The following RSF1 variants were observed in gnomAD, a reference collection of about 807,000 sequenced individuals.
RSF1 encodes HBV pX-associated protein 8.
RSF1 carries 13 observed loss-of-function variants against 145.2 expected under a neutral mutation model. The ratio of observed to expected loss-of-function variants is 0.09; its 90% CI spans 0.06 to 0.14. The LOEUF (loss-of-function observed/expected upper bound fraction) is 0.14, where lower values mean the gene tolerates loss of function less well. Ranked by LOEUF, RSF1 falls within the 10% of genes least tolerant of loss-of-function variation. The pLI is 1.00. For synonymous variants in RSF1, 577 were observed against 592.6 expected (o/e 0.97, Z 0.38); for missense variants, 1,517 against 1,718.2 (o/e 0.88, Z 2.07).
chr11:77,755,242 G>C (rs1182708822), intron 2 of RSF1, among the ~76,000 whole-genome samples: 1 of 152,190 alleles, frequency 6.6e-6, no homozygotes, highest in African/African-American at 2.4e-5. Flanking sequence ...AAGGCCAATG[G>C]TGGCATGCAT....
chr11:77,737,603 G>C (rs1174734146), intron 4 of RSF1, among the ~76,000 whole-genome samples: 1 of 135,522 alleles, frequency 7.4e-6, no homozygotes, highest in Non-Finnish European at 1.6e-5. Flanking sequence ...ATGGAAAGAA[G>C]TTTTATGTGT....
chr11:77,682,211 T>G (rs1959881041), intron 11 of RSF1, among the ~76,000 whole-genome samples: 1 of 152,176 alleles, frequency 6.6e-6, no homozygotes, highest in African/African-American at 2.4e-5. Context: ...CCCTTACTGA[T>G]TCTACCATAT....
chr11:77,704,144 A>C (rs1428302156), intron 5 of RSF1, among the ~76,000 whole-genome samples: 2 of 152,186 alleles, frequency 1.3e-5, no homozygotes, highest in East Asian at 3.9e-4. Context: ...AAATACAAAA[A>C]GTAGCCGGGG....
chr11:77,820,707 G>A lies in RSF1; in HGVS notation c.8C>T (p.Thr3Met), dbSNP rs556124547. MA[T>M]AAAAAAVMAP... Reference sequence around the variant, plus strand: ...CATCACCGCCGCCGCTGCCGCCGCCGTCGCCATTTTGAACTGGAGGATGGA... The same window carrying A: ...CATCACCGCCGCCGCTGCCGCCGCCATCGCCATTTTGAACTGGAGGATGGA... The change falls in exon 1 of 16, where the codon ACG (threonine) becomes ATG (methionine). Residue 3 changes from threonine to methionine, a missense_variant. Thr to Met is a moderately conservative substitution (Grantham distance 81). Around this residue, in one of 12 missense-constraint regions of RSF1, gnomAD observed 85 missense variants for 91.8 expected, o/e 0.93. Transcript: ENST00000308488. The A allele has an allele frequency of 1.9e-6, 3 of 1,549,036 alleles. No individual in the cohort carries two copies. The highest frequency in any genetic ancestry group is 2.4e-5 in the East Asian group (1 of 41,180).
intron 1 of RSF1, among the ~76,000 whole-genome samples, chr11:77,786,505 T>C (rs1948458251): frequency 6.6e-6 from 1 of 152,208 alleles, no homozygotes; most frequent in Non-Finnish European, 1.5e-5. Context: ...TTTCATATAG[T>C]TCAACATTAT....
chr11:77,849,824 C>A, the RSF1 span, among the ~76,000 whole-genome samples: 4 of 152,210 alleles, frequency 2.6e-5, no homozygotes, highest in African/African-American at 9.6e-5. Flanking sequence ...AAATCTTATA[C>A]ATTCCTCTAT....
chr11:77,748,068 C>T (rs1385283495), intron 2 of RSF1, among the ~76,000 whole-genome samples: 3 of 152,042 alleles, frequency 2.0e-5, no homozygotes, highest in Non-Finnish European at 4.4e-5. Context: ...AGCCAGCTCT[C>T]TCAGGTGGGT....
the RSF1 span, among the ~76,000 whole-genome samples, chr11:77,870,312 G>A: frequency 2.8e-5 from 4 of 144,056 alleles, no homozygotes; most frequent in East Asian, 4.0e-4. Flanking sequence ...GAGCTACCAC[G>A]TCTGGCCTAT....
chr11:77,733,523 C>A (rs917744662), intron 4 of RSF1, among the ~76,000 whole-genome samples: 1 of 151,626 alleles, frequency 6.6e-6, no homozygotes, highest in Non-Finnish European at 1.5e-5. Context: ...CATTAATAAC[C>A]AAACACTACC....
chr11:77,817,287 T>A (rs1204114030), intron 1 of RSF1, among the ~76,000 whole-genome samples: 1 of 152,220 alleles, frequency 6.6e-6, no homozygotes, highest in Non-Finnish European at 1.5e-5. Flanking sequence ...GAAATGTGTA[T>A]TACTGTTGGG....
chr11:77,707,826 T>A (rs1023362165), intron 5 of RSF1, among the ~76,000 whole-genome samples: 1 of 152,204 alleles, frequency 6.6e-6, no homozygotes, highest in Non-Finnish European at 1.5e-5. Flanking sequence ...GAAACTATCA[T>A]GTAGCATGCT....
At chr11:77,770,561 T>C (rs1590876916) in intron 1 of RSF1, among the ~76,000 whole-genome samples, 2 of 152,242 alleles carry the variant, frequency 1.3e-5, no homozygotes, top group Non-Finnish European at 2.9e-5. Flanking sequence ...ATAACTGTTA[T>C]ACAGGCAGAT....
In RSF1 at chr11:77,702,152, A is replaced by G. The variant is rs140508539; in HGVS notation, c.1077T>C (p.Ser359=). ...ERIEFGGNIK[S]SHEITEKSTE... ...TAGATTTCTCAGTAATTTCGTGAGA[A>G]GATTTAATATTGCCACCAAATTCGA... Residue 359 remains serine, a synonymous_variant, in exon 6 of 16, where the codon TCT becomes TCC. Coordinates refer to ENST00000308488, the MANE Select transcript of RSF1 (RefSeq NM_016578.4). 1.7e-4 allele frequency: 278 copies of G among 1,613,920 alleles called. No individual in the cohort carries two copies. In the African/African-American group the frequency reaches 3.5e-3, roughly 20 times the overall value.
rs17751930 is a variant in RSF1, at chr11:77,667,337, C to T, written c.3906G>A (p.Arg1302=). 46 of 1,613,886 alleles carry T rather than the reference C, an allele frequency of 2.9e-5. No individual in the cohort carries two copies. The highest frequency in any genetic ancestry group is 3.9e-5 in the Non-Finnish European group (46 of 1,179,940). Residue 1302 remains arginine (R), a synonymous_variant, in exon 16 of 16, where the codon CGG becomes CGA. Transcript: ENST00000308488. ...AACTCTCCTCCTCATCCGTCTCAAT[C>T]CGGTGTAGCCGTTTGCGGGATGGTT... ...EGKPSRKRLH[R]IETDEEESCD...
intron 1 of RSF1, among the ~76,000 whole-genome samples, chr11:77,795,862 T>C (rs1239499555): frequency 6.6e-6 from 1 of 152,158 alleles, no homozygotes; most frequent in African/African-American, 2.4e-5. Flanking sequence ...TTTTTTTGGT[T>C]AGCAGGCTAT....
chr11:77,753,627 A>G (rs1337183792), intron 2 of RSF1, among the ~76,000 whole-genome samples: 1 of 152,220 alleles, frequency 6.6e-6, no homozygotes. Context: ...ATGTTAGTGT[A>G]TTTTATGTGT....
chr11:77,779,097 C>T lies in RSF1; in HGVS notation c.188-14408G>A, dbSNP rs142531744. Among the ~76,000 whole-genome samples, 207 of 152,152 alleles carry T rather than the reference C, an allele frequency of 1.4e-3. 1 individual carries two copies. Among genetic ancestry groups the T allele is most frequent in the African/African-American group, 3.3e-3 (138 of 41,512 alleles). On this transcript the variant is annotated intron_variant, in intron 1 of 15. Coordinates refer to ENST00000308488, the MANE Select transcript of RSF1 (RefSeq NM_016578.4). Reference sequence around the variant, plus strand: ...TAGCTGGGATTACAGACATGCACCACCATGCCCAGCTAATTTTTGTATTTT... The same window carrying T: ...TAGCTGGGATTACAGACATGCACCATCATGCCCAGCTAATTTTTGTATTTT...
At position 77,740,759 on chromosome 11, in the gene RSF1, C is replaced by G. The variant is rs1947926660; in HGVS notation, c.550G>C (p.Asp184His). Residue 184 changes from aspartate (D) to histidine (H), a missense_variant, in exon 4 of 16, where the codon GAT (aspartate) becomes CAT (histidine). Around this residue, in one of 12 missense-constraint regions of RSF1, gnomAD observed 94 missense variants for 143.6 expected, o/e 0.65. Transcript: ENST00000308488. ...ACAATGCATTTCCATGAAGAGCCAT[C>G]TTGATCATCTTGTTCTTCTATGTAC... is the stretch of plus-strand genomic sequence containing the variant. ...RMYIEEQDDQDGSSWKCIVRN... is the reference protein window; with the variant it reads ...RMYIEEQDDQHGSSWKCIVRN... 1.2e-6 allele frequency: 2 copies of G among 1,614,094 alleles called. No individual in the cohort carries two copies. The highest frequency in any genetic ancestry group is 1.7e-6 in the Non-Finnish European group (2 of 1,179,944).
intron 8 of RSF1, among the ~76,000 whole-genome samples, chr11:77,692,283 T>C (rs1169399236): frequency 1.2e-5 from 1 of 84,402 alleles, no homozygotes; most frequent in South Asian, 3.5e-4. Flanking sequence ...CTCGCTCTGT[T>C]GCCCAGGCTG....
Sources: gnomAD v4.1 joint callset for allele counts (sites outside exome capture counted in the v4.1 genomes callset) on GRCh38, gnomAD v4.1.1 for gene constraint, gnomAD v4.1.1 regional missense constraint, MANE v1.5 for transcripts, NCBI Gene and HGNC (gene_info 2026-07-23, HGNC 2026-07-21) for gene names.